The following AK5 variants were observed in gnomAD, a reference collection of about 807,000 sequenced individuals.
The protein encoded by AK5 is adenylate kinase isoenzyme 5.
Under a neutral mutation model 69.5 loss-of-function variants are expected in AK5, and 27 were observed. That is an observed-to-expected ratio of 0.39 (90% CI 0.29 to 0.54). The LOEUF (loss-of-function observed/expected upper bound fraction) is 0.54, where lower values mean the gene tolerates loss of function less well. AK5 is among the 20% of genes least tolerant of loss of function. AK5 has a pLI of 0.71. For missense variants in AK5, 531 were observed against 700.4 expected (o/e 0.76, Z 2.73); for synonymous variants, 260 against 244.4 (o/e 1.06, Z -0.60).
chr1:77,477,914 C>A (rs76681164), intron 8 of AK5, among the ~76,000 whole-genome samples: 1,570 of 152,286 alleles, frequency 0.01, 35 homozygotes, highest in East Asian at 0.079. Context: ...CTTCTTTCTC[C>A]TTCTCAGGAG....
chr1:77,434,121 T>C lies in AK5; in HGVS notation c.1059+16406T>C, dbSNP rs921368344. On this transcript the variant is annotated intron_variant, in intron 8 of 13. Transcript: ENST00000354567. Reference sequence around the variant, plus strand: ...AGAGTGCAAAGCATAAATAAATAAATAAATAAATAAATAAATAAATAAATA... The same window carrying C: ...AGAGTGCAAAGCATAAATAAATAAACAAATAAATAAATAAATAAATAAATA... Among the ~76,000 whole-genome samples, 19 of 148,576 alleles carry C rather than the reference T, an allele frequency of 1.3e-4. No individual in the cohort carries two copies. The South Asian group carries it at 2.5e-3, about 20-fold the overall frequency.
intron 1 of AK5, chr1:77,282,900 T>A (rs568902647): frequency 2.0e-6 from 2 of 986,036 alleles, no homozygotes; most frequent in South Asian, 9.4e-5. Flanking sequence ...AAACCCAACC[T>A]ATCAAGTGCC....
intron 6 of AK5, among the ~76,000 whole-genome samples, chr1:77,366,764 T>C (rs1428377574): frequency 6.6e-6 from 1 of 152,200 alleles, no homozygotes; most frequent in African/African-American, 2.4e-5. Context: ...ATTTTTAGTT[T>C]ATAGTATCTC....
At chr1:77,417,154 C>A (rs1650484766) in intron 7 of AK5, among the ~76,000 whole-genome samples, 1 of 152,114 alleles carries the variant, frequency 6.6e-6, no homozygotes, top group Middle Eastern at 3.2e-3. Flanking sequence ...GCAAACTTAG[C>A]CCTTCCTGTT....
intron 8 of AK5, among the ~76,000 whole-genome samples, chr1:77,474,488 T>C (rs76456675): frequency 0.01 from 1,562 of 152,236 alleles, 34 homozygotes; most frequent in East Asian, 0.078. Context: ...AGAAGTAGGG[T>C]CCAGGTCAGA....
chr1:77,343,539 C>A (rs976336827), intron 6 of AK5, among the ~76,000 whole-genome samples: 1 of 152,082 alleles, frequency 6.6e-6, no homozygotes, highest in Non-Finnish European at 1.5e-5. Flanking sequence ...ATGCAGAGAG[C>A]GTGTTTTAAG....
At chr1:77,498,576 G>A (rs1656501394) in intron 10 of AK5, among the ~76,000 whole-genome samples, 2 of 152,176 alleles carry the variant, frequency 1.3e-5, no homozygotes, top group African/African-American at 4.8e-5. Context: ...TTCTTCACCT[G>A]TCATGTGGAA....
chr1:77,412,781 C>T (rs1282548165), intron 7 of AK5, among the ~76,000 whole-genome samples: 2 of 152,154 alleles, frequency 1.3e-5, no homozygotes, highest in African/African-American at 2.4e-5. Context: ...GCTCCCATAT[C>T]GCCTCCTATG....
At chr1:77,418,920 T>C (rs893338302) in intron 8 of AK5, among the ~76,000 whole-genome samples, 4 of 152,200 alleles carry the variant, frequency 2.6e-5, no homozygotes, top group African/African-American at 9.6e-5. Flanking sequence ...TAGCTACACA[T>C]GTTTATAGTA....
intron 10 of AK5, among the ~76,000 whole-genome samples, chr1:77,503,351 ATGTT>A (rs35709353): frequency 0.34 from 51,926 of 151,746 alleles, 9,107 homozygotes; most frequent in South Asian, 0.55. Context: ...ATAAACCTAA[ATGTT>A]TGAGCAAGTT....
At chr1:77,409,289 T>C (rs1467617105) in intron 6 of AK5, among the ~76,000 whole-genome samples, 1 of 152,148 alleles carries the variant, frequency 6.6e-6, no homozygotes, top group Middle Eastern at 3.2e-3. Flanking sequence ...AGTAATGGGG[T>C]TGCTGGGTCA....
intron 6 of AK5, among the ~76,000 whole-genome samples, chr1:77,387,110 T>C (rs1046646876): frequency 2.0e-4 from 31 of 152,212 alleles, no homozygotes; most frequent in Admixed American, 2.0e-3. Flanking sequence ...ATGCACAGGT[T>C]GATTTCATTT....
intron 8 of AK5, among the ~76,000 whole-genome samples, chr1:77,452,408 A>T (rs1466824479): frequency 6.6e-6 from 1 of 152,204 alleles, no homozygotes; most frequent in Non-Finnish European, 1.5e-5. Context: ...TAAATCAAGG[A>T]TTATTGATTG....
intron 8 of AK5, among the ~76,000 whole-genome samples, chr1:77,419,426 A>C (rs1163117020): frequency 6.6e-6 from 1 of 152,222 alleles, no homozygotes; most frequent in East Asian, 1.9e-4. Flanking sequence ...AAAATCTGAA[A>C]GAAATCATAA....
intron 5 of AK5, among the ~76,000 whole-genome samples, chr1:77,336,332 A>C (rs151171620): frequency 0.012 from 1,754 of 152,144 alleles, 29 homozygotes; most frequent in Non-Finnish European, 0.014. Context: ...TGCCCACCTC[A>C]GCCTCCCAAA....
chr1:77,399,299 A>C (rs919026334), intron 6 of AK5, among the ~76,000 whole-genome samples: 2 of 152,146 alleles, frequency 1.3e-5, no homozygotes, highest in Non-Finnish European at 2.9e-5. Flanking sequence ...CTTCAGCTAA[A>C]GAATTGTTCC....
chr1:77,297,526 G>C, intron 3 of AK5, 33 bp from the exon 4 acceptor site: 1 of 1,555,370 alleles, frequency 6.4e-7, no homozygotes, highest in Non-Finnish European at 8.7e-7. Flanking sequence ...TATTGTATCA[G>C]AAGATCACAG....
intron 12 of AK5, among the ~76,000 whole-genome samples, chr1:77,522,459 G>C (rs1658044414): frequency 6.6e-6 from 1 of 152,120 alleles, no homozygotes; most frequent in African/African-American, 2.4e-5. Flanking sequence ...GAGGGAGCAA[G>C]GGCACCACAC....
chr1:77,444,258 G>A (rs1369273033), intron 8 of AK5, among the ~76,000 whole-genome samples: 8 of 36,616 alleles, frequency 2.2e-4, no homozygotes, highest in Admixed American at 4.1e-4. Context: ...CAACATATGT[G>A]TATATATATA....
Sources: gnomAD v4.1 joint callset for allele counts (sites outside exome capture counted in the v4.1 genomes callset) on GRCh38, gnomAD v4.1.1 for gene constraint, MANE v1.5 for transcripts, NCBI Gene and HGNC (gene_info 2026-07-23, HGNC 2026-07-21) for gene names.